Variants in GAREM1 observed in about 807,000 individuals in gnomAD.
The protein encoded by GAREM1 is GRB2-associated and regulator of MAPK protein 1.
A neutral mutation model predicts 71.3 loss-of-function variants in GAREM1; 26 were observed. That is an observed-to-expected ratio of 0.36 (90% CI 0.27 to 0.51). The LOEUF is 0.51. Among genes scored for constraint, GAREM1 ranks in the 20% least tolerant of loss-of-function variants. The pLI is 0.95. For missense variants in GAREM1, 1,026 were observed against 1,103.1 expected (o/e 0.93, Z 0.99); for synonymous variants, 440 against 433.2 (o/e 1.02, Z -0.20).
At chr18:32,416,312 T>C (rs1399975887) in intron 1 of GAREM1, among the ~76,000 whole-genome samples, 3 of 152,150 alleles carry the variant, frequency 2.0e-5, no homozygotes, top group African/African-American at 7.2e-5. Context: ...ATCTGCAGAT[T>C]CAACACAATC....
intron 1 of GAREM1, among the ~76,000 whole-genome samples, chr18:32,450,160 C>T (rs2048821975): frequency 6.6e-6 from 1 of 152,202 alleles, no homozygotes; most frequent in African/African-American, 2.4e-5. Flanking sequence ...TTCTAATATT[C>T]TGAGTACTCA....
intron 1 of GAREM1, among the ~76,000 whole-genome samples, chr18:32,393,793 T>C (rs2048225952): frequency 6.6e-6 from 1 of 152,224 alleles, no homozygotes; most frequent in South Asian, 2.1e-4. Context: ...AAAGAGAAAT[T>C]CATTTCCTGA....
At chr18:32,394,204 T>C (rs1406827842) in intron 1 of GAREM1, among the ~76,000 whole-genome samples, 1 of 152,024 alleles carries the variant, frequency 6.6e-6, no homozygotes, top group African/African-American at 2.4e-5. Context: ...GTTTGAGACA[T>C]GCCTGGGCAA....
chr18:32,310,452 T>C, intron 2 of GAREM1, 129 bp from the exon 3 acceptor site: 2 of 829,282 alleles, frequency 2.4e-6, no homozygotes, highest in South Asian at 2.1e-5. Context: ...ATTAATCTTT[T>C]TAAAAAGGCA....
intron 2 of GAREM1, among the ~76,000 whole-genome samples, chr18:32,351,805 C>A (rs779946724): frequency 6.6e-6 from 1 of 151,798 alleles, no homozygotes; most frequent in Non-Finnish European, 1.5e-5. Flanking sequence ...TAGGCCTGAC[C>A]GGCTACCCTA....
rs1351865894 is a variant in GAREM1 at position 32,336,035 on chromosome 18, T to G, written c.263-25712A>C. ...GCTAGTTTGTGTCCAGCTCTATTTA[T>G]TATTAGCTGTGTGCCCTTCCCCAAG... On this transcript the variant is annotated intron_variant, in intron 2 of 5. Transcript: ENST00000269209. Among the ~76,000 whole-genome samples the G allele has an allele frequency of 2.0e-5, 3 of 152,326 alleles. 1 individual carries two copies. Among genetic ancestry groups the G allele is most frequent in the Non-Finnish European group, 4.4e-5 (3 of 68,042 alleles).
At chr18:32,439,671 C>CT (rs762308845) in intron 1 of GAREM1, among the ~76,000 whole-genome samples, 26 of 149,996 alleles carry the variant, frequency 1.7e-4, no homozygotes, top group Admixed American at 9.9e-4. Flanking sequence ...TTAAAAAGCA[C>CT]TTTTTTAAAA....
chr18:32,292,851 A>G (rs964243800), intron 3 of GAREM1, among the ~76,000 whole-genome samples: 3 of 152,172 alleles, frequency 2.0e-5, no homozygotes, highest in African/African-American at 4.8e-5. Context: ...GCCAGTAGGG[A>G]AAAAAAGACC....
chr18:32,330,893 G>GTA (rs1200483806), intron 2 of GAREM1, among the ~76,000 whole-genome samples: 1 of 152,126 alleles, frequency 6.6e-6, no homozygotes, highest in East Asian at 1.9e-4. Flanking sequence ...CACTGCATTT[G>GTA]ATAAAAAAAT....
At chr18:32,437,569 G>A (rs915821718) in intron 1 of GAREM1, among the ~76,000 whole-genome samples, 5 of 152,134 alleles carry the variant, frequency 3.3e-5, no homozygotes, top group African/African-American at 9.7e-5. Context: ...AGAAGAAAAT[G>A]AGCAGCAGGG....
At chr18:32,364,824 A>G (rs2047912696) in intron 2 of GAREM1, among the ~76,000 whole-genome samples, 2 of 152,120 alleles carry the variant, frequency 1.3e-5, no homozygotes, top group African/African-American at 2.4e-5. Context: ...AATCAAATCA[A>G]AGTTTTTAAA....
At chr18:32,334,197 G>A (rs961408307) in intron 2 of GAREM1, among the ~76,000 whole-genome samples, 5 of 152,140 alleles carry the variant, frequency 3.3e-5, no homozygotes, top group Non-Finnish European at 5.9e-5. Flanking sequence ...ATCTATAGGA[G>A]AAGAGAGAGC....
In GAREM1 at chr18:32,441,314, C is replaced by G. The variant is rs950573789; in HGVS notation, c.121+28994G>C. On this transcript the variant is annotated intron_variant, in intron 1 of 5. Transcript: ENST00000269209. ...GTGTGGACTAGCGGCCAAAGTCCAA[C>G]AACAACGTCTAGCATAAAATGGGAA... Among the ~76,000 whole-genome samples the G allele has an allele frequency of 7.9e-5, 12 of 151,336 alleles. 1 individual carries two copies. The highest frequency in any genetic ancestry group is 2.9e-4 in the African/African-American group (12 of 40,712).
intron 2 of GAREM1, among the ~76,000 whole-genome samples, chr18:32,323,974 A>G (rs1439575230): frequency 6.6e-6 from 1 of 151,956 alleles, no homozygotes; most frequent in Non-Finnish European, 1.5e-5. Context: ...TACAAAAAGA[A>G]AATGAGACAT....
intron 1 of GAREM1, among the ~76,000 whole-genome samples, chr18:32,438,723 A>T (rs535049149): frequency 6.6e-6 from 1 of 152,228 alleles, no homozygotes; most frequent in Non-Finnish European, 1.5e-5. Context: ...CAGTTTTCTT[A>T]TCTATAAAAT....
chr18:32,326,222 A>G (rs1309658971), intron 2 of GAREM1, among the ~76,000 whole-genome samples: 2 of 152,220 alleles, frequency 1.3e-5, no homozygotes, highest in Non-Finnish European at 1.5e-5. Context: ...GACTTCGGTT[A>G]TGGGAAAGAT....
rs141476844 is a variant in GAREM1, at chr18:32,447,208, A to G, written c.121+23100T>C. Among the ~76,000 whole-genome samples, 77 of 152,292 alleles carry G rather than the reference A, an allele frequency of 5.1e-4. No individual in the cohort carries two copies. In the East Asian group the frequency reaches 0.014, roughly 28 times the overall value. On this transcript the variant is annotated intron_variant, in intron 1 of 5. Coordinates refer to ENST00000269209, the MANE Select transcript of GAREM1 (RefSeq NM_001242409.2). ...CTGATAATTCATTTACATTTACTAC[A>G]CTATTCCTCCATGTTTTGAGCCAAA...
At chr18:32,346,474 A>G (rs192531295) in intron 2 of GAREM1, among the ~76,000 whole-genome samples, 1 of 152,356 alleles carries the variant, frequency 6.6e-6, no homozygotes, top group African/African-American at 2.4e-5. Flanking sequence ...ATAAAGCAAT[A>G]GATATTATTA....
At chr18:32,329,737 TA>T (rs1042819257) in intron 2 of GAREM1, among the ~76,000 whole-genome samples, 28 of 126,922 alleles carry the variant, frequency 2.2e-4, no homozygotes, top group African/African-American at 7.2e-4. Flanking sequence ...ATTGAAAAGC[TA>T]AAAAAAAATA....
Sources: allele counts gnomAD v4.1 joint callset (sites outside exome capture counted in the v4.1 genomes callset), GRCh38; gene constraint gnomAD v4.1.1; transcripts MANE v1.5; gene names NCBI Gene and HGNC (gene_info 2026-07-23, HGNC 2026-07-21).